The following FSTL5 variants were observed in gnomAD, a reference collection of about 807,000 sequenced individuals.
FSTL5 encodes the protein follistatin like 5.
In FSTL5, 62 loss-of-function variants were observed where a neutral mutation model predicts 89.1. That is an observed-to-expected ratio of 0.70 (90% confidence interval 0.57 to 0.86). The LOEUF is 0.86. Among genes scored for constraint, FSTL5 ranks in the 40% least tolerant of loss-of-function variants. FSTL5 has a pLI of 0.00. For synonymous variants in FSTL5, 383 were observed against 346.2 expected, an observed-to-expected ratio of 1.11 and a Z score of -1.18; for missense variants, 1,057 against 1,001.6, an observed-to-expected ratio of 1.06 and a Z score of -0.75.
chr4:162,008,522 G>T (rs944916629), intron 3 of FSTL5, among the ~76,000 whole-genome samples: 2 of 151,778 alleles, frequency 1.3e-5, no homozygotes, highest in African/African-American at 2.4e-5. Context: ...TCTGGAGATG[G>T]TCTAAAACTC....
intron 7 of FSTL5, among the ~76,000 whole-genome samples, chr4:161,640,101 C>A (rs1456230898): frequency 3.3e-5 from 5 of 152,072 alleles, no homozygotes; most frequent in African/African-American, 1.2e-4. Context: ...CTTAGAAAAT[C>A]TTAAATTTAT....
chr4:161,942,685 G>A (rs721197), intron 3 of FSTL5, among the ~76,000 whole-genome samples: 48,964 of 151,672 alleles, frequency 0.32, 9,625 homozygotes, highest in Non-Finnish European at 0.43. Context: ...TTCCAGGGGG[G>A]AAAAAACCCT....
At chr4:161,905,393 T>C (rs1437016441) in intron 4 of FSTL5, among the ~76,000 whole-genome samples, 1 of 152,124 alleles carries the variant, frequency 6.6e-6, no homozygotes, top group African/African-American at 2.4e-5. Flanking sequence ...ATTGTAGATG[T>C]TCTGTTTTCA....
intron 3 of FSTL5, among the ~76,000 whole-genome samples, chr4:161,961,158 A>G (rs1347348177): frequency 6.6e-6 from 1 of 152,014 alleles, no homozygotes; most frequent in African/African-American, 2.4e-5. Flanking sequence ...TCTGTCACCC[A>G]CACTGGAGTG....
At chr4:162,013,684 G>A (rs1463535121) in intron 3 of FSTL5, among the ~76,000 whole-genome samples, 3 of 152,068 alleles carry the variant, frequency 2.0e-5, no homozygotes, top group Admixed American at 1.3e-4. Context: ...TCAGACATTA[G>A]TAAGCAATAT....
In FSTL5 at chr4:162,074,957, G is replaced by A. The variant is rs140229059; in HGVS notation, c.126+36314C>T. 6.5e-3 allele frequency among the ~76,000 whole-genome samples: 991 copies of A among 151,772 alleles called. 11 individuals carry two copies. The highest frequency in any genetic ancestry group is 0.011 in the Non-Finnish European group (720 of 67,832). The stretch of plus-strand genomic sequence containing the variant: ...CACAAAGCCCATTTTATAATAAAGT[G>A]TCGAATAGCTCATGTCATTTATTGA... On this transcript the variant is annotated intron_variant, in intron 2 of 15. Coordinates refer to ENST00000306100, the MANE Select transcript of FSTL5 (RefSeq NM_020116.5).
intron 13 of FSTL5, among the ~76,000 whole-genome samples, chr4:161,460,952 T>TGTATTGCATACTCTGCATACAATACAGA (rs1560906046): frequency 2.6e-4 from 39 of 151,186 alleles, no homozygotes; most frequent in African/African-American, 8.6e-4. Flanking sequence ...ATACTCTGTA[T>TGTATTGCATACTCTGCATACAATACAGA]GTATTGCATA....
chr4:161,662,227 T>C (rs544159558), intron 6 of FSTL5, among the ~76,000 whole-genome samples: 1 of 152,310 alleles, frequency 6.6e-6, no homozygotes, highest in African/African-American at 2.4e-5. Context: ...AATATCATTA[T>C]ATTCATCCAA....
intron 4 of FSTL5, among the ~76,000 whole-genome samples, chr4:161,784,281 T>C (rs1158562267): frequency 2.6e-5 from 4 of 152,138 alleles, no homozygotes; most frequent in Non-Finnish European, 5.9e-5. Flanking sequence ...ACAGTTTTGA[T>C]TGTAGCAGCC....
chr4:162,011,869 C>G, intron 3 of FSTL5, among the ~76,000 whole-genome samples: 1 of 152,168 alleles, frequency 6.6e-6, no homozygotes, highest in Non-Finnish European at 1.5e-5. Flanking sequence ...CATCAAATCT[C>G]ATTCATTTGA....
At chr4:162,102,833 T>C (rs1474726357) in intron 2 of FSTL5, among the ~76,000 whole-genome samples, 1 of 149,032 alleles carries the variant, frequency 6.7e-6, no homozygotes, top group African/African-American at 2.4e-5. Flanking sequence ...TAATATACTA[T>C]AGACATTTGA....
intron 6 of FSTL5, among the ~76,000 whole-genome samples, chr4:161,681,716 C>T (rs1042341377): frequency 6.6e-6 from 1 of 151,826 alleles, no homozygotes; most frequent in African/African-American, 2.4e-5. Flanking sequence ...ATATTTTCCC[C>T]TCATATTATC....
At chr4:161,860,431 C>T (rs1439848275) in intron 4 of FSTL5, among the ~76,000 whole-genome samples, 2 of 152,160 alleles carry the variant, frequency 1.3e-5, no homozygotes, top group African/African-American at 4.8e-5. Flanking sequence ...ACAACAAAAG[C>T]ATGGAAAGCT....
chr4:162,116,689 C>T (rs1731655426), intron 1 of FSTL5, among the ~76,000 whole-genome samples: 1 of 152,032 alleles, frequency 6.6e-6, no homozygotes. Context: ...CCTGTAGGAC[C>T]GCTTACCTTT....
At chr4:161,461,288 C>CAAAAAAAAAA (rs781313697) in intron 13 of FSTL5, among the ~76,000 whole-genome samples, 22 of 72,512 alleles carry the variant, frequency 3.0e-4, no homozygotes, top group East Asian at 5.9e-4. Flanking sequence ...ACTAAAAATA[C>CAAAAAAAAAA]AAAAAAAACA....
At position 161,833,708 on chromosome 4, in the gene FSTL5, G is replaced by T. The variant is rs576490808; in HGVS notation, c.410-57634C>A. On this transcript the variant is annotated intron_variant, in intron 4 of 15. Coordinates refer to ENST00000306100, the MANE Select transcript of FSTL5 (RefSeq NM_020116.5). ...ATCAGAGACTAGGATTGCAACCCCT[G>T]CCTTTTTTTGCTTTCCATTTGCTTG... is the stretch of plus-strand genomic sequence containing the variant. Among the ~76,000 whole-genome samples, 12 of 151,978 alleles carry T rather than the reference G, an allele frequency of 7.9e-5. No homozygotes were observed. The South Asian group carries it at 2.5e-3, about 32-fold the overall frequency.
At chr4:161,514,029 A>G (rs901592172) in intron 10 of FSTL5, among the ~76,000 whole-genome samples, 5 of 152,178 alleles carry the variant, frequency 3.3e-5, no homozygotes, top group Admixed American at 1.3e-4. Context: ...TAGTTTGTCA[A>G]TTAAGGACCG....
chr4:161,613,744 T>C (rs1202053928), intron 7 of FSTL5, among the ~76,000 whole-genome samples: 1 of 152,200 alleles, frequency 6.6e-6, no homozygotes, highest in East Asian at 1.9e-4. Flanking sequence ...AAATTATGAA[T>C]TACACATTGT....
chr4:161,908,702 A>G (rs1733606967), intron 4 of FSTL5, among the ~76,000 whole-genome samples: 1 of 152,140 alleles, frequency 6.6e-6, no homozygotes, highest in South Asian at 2.1e-4. Context: ...AAATTAAGTC[A>G]AAAATGTTTT....
Sources: allele counts gnomAD v4.1 joint callset (sites outside exome capture counted in the v4.1 genomes callset), GRCh38; gene constraint gnomAD v4.1.1; transcripts MANE v1.5; gene names NCBI Gene and HGNC (gene_info 2026-07-23, HGNC 2026-07-21).